The following GRAMD2B variants were observed in gnomAD, a reference collection of about 807,000 sequenced individuals.
GRAMD2B encodes GRAM domain containing 2B.
In GRAMD2B, 41 loss-of-function variants were observed where a neutral mutation model predicts 59.2. The observed-to-expected ratio is 0.69, with a 90% confidence interval of 0.54 to 0.90. GRAMD2B has a LOEUF of 0.90. Ranked by LOEUF, GRAMD2B falls within the 40% of genes least tolerant of loss-of-function variation. GRAMD2B has a pLI of 0.00. For synonymous variants in GRAMD2B, 161 were observed against 182.7 expected, an observed-to-expected ratio of 0.88 and a Z score of 0.96; for missense variants, 424 against 500.5, an observed-to-expected ratio of 0.85 and a Z score of 1.46.
At chr5:126,370,793 G>A (rs1187181110), upstream of GRAMD2B, among the ~76,000 whole-genome samples, 1 of 152,140 alleles carries the variant, frequency 6.6e-6, no homozygotes, top group African/African-American at 2.4e-5. Context: ...GTTACTGTTT[G>A]GGTACAAGTC....
chr5:126,385,470 A>G (rs148529375), intron 1 of GRAMD2B, among the ~76,000 whole-genome samples: 17 of 152,360 alleles, frequency 1.1e-4, no homozygotes, highest in African/African-American at 3.4e-4. Flanking sequence ...ATTATGGTAA[A>G]GTTGAATTAA....
chr5:126,448,486 GA>G, intron 1 of GRAMD2B, among the ~76,000 whole-genome samples: 1 of 152,164 alleles, frequency 6.6e-6, no homozygotes, highest in East Asian at 1.9e-4. Context: ...AGGCAACAGA[GA>G]ACCAAAGGGG....
chr5:126,468,492 A>C (rs1360871225), intron 2 of GRAMD2B, among the ~76,000 whole-genome samples: 1 of 151,430 alleles, frequency 6.6e-6, no homozygotes, highest in Non-Finnish European at 1.5e-5. Flanking sequence ...TTTTTAATTT[A>C]ACTTTATTTT....
intron 2 of GRAMD2B, chr5:126,466,228 C>G: frequency 1.3e-6 from 2 of 1,545,496 alleles, no homozygotes; most frequent in Admixed American, 2.0e-5. Flanking sequence ...CTGCTACCTT[C>G]TACTTCTTTT....
intron 1 of GRAMD2B, among the ~76,000 whole-genome samples, chr5:126,437,169 AG>A (rs1357116237): frequency 5.3e-5 from 8 of 152,208 alleles, no homozygotes; most frequent in African/African-American, 1.7e-4. Flanking sequence ...TGACAGTTGA[AG>A]ATAGATTTGT....
chr5:126,424,703 C>G (rs190009798), intron 1 of GRAMD2B, among the ~76,000 whole-genome samples: 2 of 152,344 alleles, frequency 1.3e-5, no homozygotes, highest in East Asian at 3.9e-4. Context: ...TAGACCTCAT[C>G]ACCTAGAGCC....
intron 1 of GRAMD2B, among the ~76,000 whole-genome samples, chr5:126,361,488 G>A (rs1424404504): frequency 2.9e-5 from 1 of 34,138 alleles, no homozygotes; most frequent in Non-Finnish European, 6.8e-5. Flanking sequence ...TTCCGAAATG[G>A]TAAAAAAAAA....
At chr5:126,370,955 G>T (rs1277659511), upstream of GRAMD2B, among the ~76,000 whole-genome samples, 1 of 152,154 alleles carries the variant, frequency 6.6e-6, no homozygotes, top group African/African-American at 2.4e-5. Flanking sequence ...CCAAACATTG[G>T]CTGCAACACA....
chr5:126,482,201 G>A (rs1561601527), intron 8 of GRAMD2B, among the ~76,000 whole-genome samples: 3 of 152,108 alleles, frequency 2.0e-5, no homozygotes. Context: ...ACTGCTAATG[G>A]GTATGGGCTT....
At chr5:126,390,898 C>T (rs1053713044) in intron 1 of GRAMD2B, among the ~76,000 whole-genome samples, 2 of 152,112 alleles carry the variant, frequency 1.3e-5, no homozygotes, top group Admixed American at 1.3e-4. Flanking sequence ...AAATATTCTG[C>T]CTAATTCCCG....
At chr5:126,365,463 G>T (rs2149685208) in intron 1 of GRAMD2B, among the ~76,000 whole-genome samples, 1 of 152,280 alleles carries the variant, frequency 6.6e-6, no homozygotes, top group Admixed American at 6.5e-5. Flanking sequence ...TTGAAATCAA[G>T]AATGCTGCTT....
At position 126,480,243 on chromosome 5, in the gene GRAMD2B, G is replaced by A. The variant is rs546929190; in HGVS notation, c.583-213G>A. Reference sequence around the variant, plus strand: ...TATTTATTACTCTTAAATTGGGTTTGAAGATTTTGTTGCTTTTATGGGAGA... The same window carrying A: ...TATTTATTACTCTTAAATTGGGTTTAAAGATTTTGTTGCTTTTATGGGAGA... On this transcript the variant is annotated intron_variant, in intron 6 of 13. Coordinates refer to ENST00000285689, the MANE Select transcript of GRAMD2B (RefSeq NM_023927.4). 5 of 527,918 alleles carry A rather than the reference G, an allele frequency of 9.5e-6. No individual in the cohort carries two copies. The South Asian group carries it at 1.3e-4, about 14-fold the overall frequency. The allele number at this position is 527,918 out of a possible 1,614,324, so 32.7% of individuals were successfully genotyped here.
chr5:126,453,348 GAAAAA>G (rs35983190), intron 1 of GRAMD2B, among the ~76,000 whole-genome samples: 63 of 128,190 alleles, frequency 4.9e-4, no homozygotes, highest in East Asian at 1.1e-3. Context: ...CATCTTAAAA[GAAAAA>G]AAAAAAAAAA....
At chr5:126,446,947 A>G (rs1490623170) in intron 1 of GRAMD2B, among the ~76,000 whole-genome samples, 2 of 152,144 alleles carry the variant, frequency 1.3e-5, no homozygotes, top group Admixed American at 6.5e-5. Context: ...ATTACCCTTT[A>G]CACTCTAGCA....
intron 6 of GRAMD2B, among the ~76,000 whole-genome samples, chr5:126,478,870 T>A (rs1404989244): frequency 6.6e-6 from 1 of 152,194 alleles, no homozygotes; most frequent in Non-Finnish European, 1.5e-5. Context: ...ATAACCTCAA[T>A]CAATACCTCC....
At chr5:126,447,587 C>G (rs1165086719) in intron 1 of GRAMD2B, among the ~76,000 whole-genome samples, 1 of 151,518 alleles carries the variant, frequency 6.6e-6, no homozygotes, top group Non-Finnish European at 1.5e-5. Context: ...TGGCGTGAAC[C>G]CGGGAGGCGG....
At chr5:126,371,389 C>G in exon 1 of GRAMD2B, 3 of 1,243,112 alleles carry the variant, frequency 2.4e-6, no homozygotes, top group Non-Finnish European at 3.1e-6. Context: ...ATTTGGGAGA[C>G]TCAGAAATGA....
intron 1 of GRAMD2B, among the ~76,000 whole-genome samples, chr5:126,459,336 T>G (rs1766932924): frequency 6.6e-6 from 1 of 152,236 alleles, no homozygotes; most frequent in African/African-American, 2.4e-5. Context: ...TTCAAACTCC[T>G]GGCCTCAGTC....
chr5:126,361,582 A>C (rs1754225022), intron 1 of GRAMD2B, among the ~76,000 whole-genome samples: 1 of 152,158 alleles, frequency 6.6e-6, no homozygotes, highest in South Asian at 2.1e-4. Flanking sequence ...TAGAAATTAC[A>C]CAATGAATAA....
Sources: allele counts gnomAD v4.1 joint callset (sites outside exome capture counted in the v4.1 genomes callset), GRCh38; gene constraint gnomAD v4.1.1; transcripts MANE v1.5; gene names NCBI Gene and HGNC (gene_info 2026-07-23, HGNC 2026-07-21).